LRRC37A2: variants seen among roughly 807,000 people sequenced by gnomAD.
The protein encoded by LRRC37A2 is leucine rich repeat containing 37 member A2.
Under a neutral mutation model 68.8 loss-of-function variants are expected in LRRC37A2, and 9 were observed. The ratio of observed to expected loss-of-function variants is 0.13; its 90% CI spans 0.08 to 0.23. The LOEUF (loss-of-function observed/expected upper bound fraction) is 0.23. LRRC37A2 is among the 10% of genes least tolerant of loss of function. The probability of loss-of-function intolerance (pLI) is 1.00; values close to 1 mark genes in which losing one functional copy is unlikely to be tolerated. For missense variants in LRRC37A2, 168 were observed against 950.4 expected, an observed-to-expected ratio of 0.18 and a Z score of 10.82; for synonymous variants, 63 against 367.6, an observed-to-expected ratio of 0.17 and a Z score of 9.48.
chr17:46,903,012 TG>T, the LRRC37A2 span, among the ~76,000 whole-genome samples: 1 of 152,202 alleles, frequency 6.6e-6, no homozygotes, highest in African/African-American at 2.4e-5. Context: ...CCAGGTGTGG[TG>T]GCTCATGCCT....
the LRRC37A2 span, among the ~76,000 whole-genome samples, chr17:46,827,140 G>A: frequency 6.6e-6 from 1 of 152,128 alleles, no homozygotes; most frequent in Non-Finnish European, 1.5e-5. Context: ...AGCTCACACT[G>A]CTGGTGGTCC....
chr17:47,002,313 G>C, the LRRC37A2 span, among the ~76,000 whole-genome samples: 1 of 151,968 alleles, frequency 6.6e-6, no homozygotes, highest in Non-Finnish European at 1.5e-5. Context: ...GGAAAGTGGG[G>C]TATCCAGCCC....
the LRRC37A2 span, among the ~76,000 whole-genome samples, chr17:46,762,185 A>G: frequency 1.3e-5 from 2 of 152,242 alleles, no homozygotes; most frequent in African/African-American, 4.8e-5. Flanking sequence ...GCCTTGGGCC[A>G]CATCTTTTAG....
chr17:46,902,427 G>A, the LRRC37A2 span, among the ~76,000 whole-genome samples: 2 of 151,862 alleles, frequency 1.3e-5, no homozygotes, highest in African/African-American at 2.4e-5. Flanking sequence ...GATATTCAGA[G>A]TAATTCATTT....
chr17:46,873,460 A>G, the LRRC37A2 span, among the ~76,000 whole-genome samples: 1 of 152,144 alleles, frequency 6.6e-6, no homozygotes, highest in South Asian at 2.1e-4. Context: ...CCAAGGGGAA[A>G]GGGCTTTTGA....
chr17:46,755,765 T>G, the LRRC37A2 span: 1 of 1,514,420 alleles, frequency 6.6e-7, no homozygotes, highest in African/African-American at 1.4e-5. Context: ...TTACGGACCC[T>G]CATCTGTTTT....
chr17:46,543,094 T>C (rs1567971800), intron 8 of LRRC37A2, among the ~76,000 whole-genome samples: 1 of 150,038 alleles, frequency 6.7e-6, no homozygotes, highest in African/African-American at 2.5e-5. Context: ...TGAGGATCTG[T>C]CTGCTTTTTT....
the LRRC37A2 span, among the ~76,000 whole-genome samples, chr17:46,746,750 C>T: frequency 6.6e-6 from 1 of 152,112 alleles, no homozygotes; most frequent in African/African-American, 2.4e-5. Flanking sequence ...GGTTATTTGG[C>T]CTTGAACACA....
At chr17:46,801,896 G>A in the LRRC37A2 span, among the ~76,000 whole-genome samples, 4 of 152,200 alleles carry the variant, frequency 2.6e-5, no homozygotes, top group East Asian at 7.7e-4. Context: ...CTGTTTCCCC[G>A]CCAAGCCCTA....
chr17:46,957,080 G>A, the LRRC37A2 span, among the ~76,000 whole-genome samples: 6 of 152,154 alleles, frequency 3.9e-5, no homozygotes, highest in Non-Finnish European at 5.9e-5. Context: ...AGGCCCAGGC[G>A]GGTGGATCGT....
chr17:46,923,932 C>A, the LRRC37A2 span: 33,483 of 398,212 alleles, frequency 0.084, 1,741 homozygotes, highest in Non-Finnish European at 0.11. Flanking sequence ...TGATTTTTAC[C>A]CTGTTTTGGA....
the LRRC37A2 span, among the ~76,000 whole-genome samples, chr17:46,638,573 C>T: frequency 2.8e-5 from 3 of 105,452 alleles, no homozygotes; most frequent in African/African-American, 1.3e-4. Context: ...GATGGGGTTT[C>T]ACCATGTTAA....
chr17:46,398,170 A>G, the LRRC37A2 span, among the ~76,000 whole-genome samples: 5 of 117,288 alleles, frequency 4.3e-5, no homozygotes, highest in East Asian at 2.1e-4. Context: ...TCTGTATACA[A>G]TTCTGTGATA....
the LRRC37A2 span, among the ~76,000 whole-genome samples, chr17:46,493,630 C>A: frequency 6.7e-6 from 1 of 148,554 alleles, no homozygotes; most frequent in East Asian, 2.0e-4. Context: ...CTCCCCCTCC[C>A]GGGTTCACAC....
chr17:46,398,227 A>G, the LRRC37A2 span, among the ~76,000 whole-genome samples: 1 of 124,904 alleles, frequency 8.0e-6, no homozygotes, highest in Non-Finnish European at 1.8e-5. Flanking sequence ...CTTATATGAT[A>G]TGATATATAT....
the LRRC37A2 span, among the ~76,000 whole-genome samples, chr17:46,495,740 A>G: frequency 4.2e-5 from 6 of 143,242 alleles, no homozygotes; most frequent in African/African-American, 1.7e-4. Context: ...TTTTATTTTC[A>G]TTTTCATTTG....
the LRRC37A2 span, among the ~76,000 whole-genome samples, chr17:46,956,786 C>G: frequency 2.0e-5 from 3 of 152,204 alleles, no homozygotes; most frequent in African/African-American, 7.2e-5. Flanking sequence ...ATACCACCAT[C>G]TGCTCTCGTC....
the LRRC37A2 span, among the ~76,000 whole-genome samples, chr17:46,405,787 G>A: frequency 1.3e-5 from 1 of 79,496 alleles, no homozygotes; most frequent in African/African-American, 4.7e-5. Context: ...TTTGAAGAAT[G>A]AACCCTTCAG....
the LRRC37A2 span, chr17:46,875,488 G>A: frequency 7.5e-7 from 1 of 1,339,890 alleles, no homozygotes; most frequent in East Asian, 2.5e-5. Flanking sequence ...ACTTCATAAA[G>A]GCAGGATGAA....
Sources: gnomAD v4.1 joint callset for allele counts (sites outside exome capture counted in the v4.1 genomes callset) on GRCh38, gnomAD v4.1.1 for gene constraint, MANE v1.5 for transcripts, NCBI Gene and HGNC (gene_info 2026-07-23, HGNC 2026-07-21) for gene names.